Variants in FMNL2 observed in about 807,000 individuals in gnomAD.
FMNL2 encodes the protein formin-like protein 2.
Under a neutral mutation model 130.2 loss-of-function variants are expected in FMNL2, and 51 were observed. That is an observed-to-expected ratio of 0.39 (90% confidence interval 0.31 to 0.49). The LOEUF (loss-of-function observed/expected upper bound fraction) is 0.49. Ranked by LOEUF, FMNL2 falls within the 20% of genes least tolerant of loss-of-function variation. FMNL2 has a pLI of 0.85. For synonymous variants in FMNL2, 465 were observed against 467.1 expected (o/e 1.00, Z 0.06); for missense variants, 977 against 1,316.2 (o/e 0.74, Z 3.99).
chr2:152,458,598 C>T (rs1433758060), intron 1 of FMNL2, among the ~76,000 whole-genome samples: 2 of 152,198 alleles, frequency 1.3e-5, no homozygotes, highest in Non-Finnish European at 2.9e-5. Flanking sequence ...TGCATTTGCT[C>T]TTTCCATCTA....
At chr2:152,472,679 A>G (rs1317281469) in intron 1 of FMNL2, among the ~76,000 whole-genome samples, 1 of 152,188 alleles carries the variant, frequency 6.6e-6, no homozygotes, top group Non-Finnish European at 1.5e-5. Context: ...CAATTCAGAT[A>G]AGGGACTGGT....
chr2:152,593,390 G>T (rs1291771705), intron 9 of FMNL2, among the ~76,000 whole-genome samples: 3 of 152,160 alleles, frequency 2.0e-5, no homozygotes, highest in South Asian at 4.1e-4. Flanking sequence ...GTGGAAATCT[G>T]CAAAAAGCCT....
intron 1 of FMNL2, among the ~76,000 whole-genome samples, chr2:152,429,659 C>T (rs543025560): frequency 1.3e-5 from 2 of 150,718 alleles, no homozygotes; most frequent in Admixed American, 1.3e-4. Flanking sequence ...CATCTATCTT[C>T]AATTTGTCTT....
chr2:152,626,639 T>C lies in FMNL2; in HGVS notation c.2077T>C (p.Leu693=), dbSNP rs765937439. ...IPQKGSNKVT[L]LEANRAKNLA... is the part of the protein sequence containing the mutation. Reference sequence around the variant, plus strand: ...ACAGAAGGGATCAAACAAAGTGACATTACTAGAAGCAAACAGGGCCAAAAA... The same window carrying C: ...ACAGAAGGGATCAAACAAAGTGACACTACTAGAAGCAAACAGGGCCAAAAA... The change falls in exon 17 of 26, where the codon TTA becomes CTA. Residue 693 remains leucine, a synonymous_variant. Transcript: ENST00000288670. The C allele has an allele frequency of 1.2e-6, 2 of 1,613,226 alleles. No individual in the cohort carries two copies. The highest frequency in any genetic ancestry group is 2.2e-5 in the South Asian group (2 of 90,794).
chr2:152,417,098 G>C (rs59551806), intron 1 of FMNL2, among the ~76,000 whole-genome samples: 1 of 151,712 alleles, frequency 6.6e-6, no homozygotes, highest in African/African-American at 2.4e-5. Context: ...ACTTCTACAC[G>C]ATTACTTATC....
chr2:152,427,661 T>A (rs558334340), intron 1 of FMNL2, among the ~76,000 whole-genome samples: 2 of 152,330 alleles, frequency 1.3e-5, no homozygotes, highest in African/African-American at 4.8e-5. Flanking sequence ...AGGTAATATG[T>A]GAAATGAAAA....
intron 21 of FMNL2, among the ~76,000 whole-genome samples, chr2:152,633,336 T>C (rs1276909338): frequency 6.6e-6 from 1 of 152,154 alleles, no homozygotes; most frequent in Non-Finnish European, 1.5e-5. Context: ...GCTCAAGTGA[T>C]CCTCTCGCCT....
intron 2 of FMNL2, among the ~76,000 whole-genome samples, chr2:152,536,599 A>T (rs777256662): frequency 6.6e-6 from 1 of 152,204 alleles, no homozygotes. Context: ...ATACTCACAT[A>T]ATGATGGTGA....
chr2:152,521,303 T>A (rs1424000071), intron 1 of FMNL2, among the ~76,000 whole-genome samples: 3 of 152,196 alleles, frequency 2.0e-5, no homozygotes, highest in African/African-American at 7.2e-5. Flanking sequence ...ATACGAGTGC[T>A]GATGTCTGGA....
chr2:152,501,269 G>C (rs950044667), intron 1 of FMNL2, among the ~76,000 whole-genome samples: 2 of 152,158 alleles, frequency 1.3e-5, no homozygotes, highest in South Asian at 4.1e-4. Flanking sequence ...TTGCTATATT[G>C]TTGATGTAAG....
Position 152,479,988 on chromosome 2 carries a change from G to A in FMNL2, c.118-41955G>A, listed in dbSNP as rs556395905. 3.7e-4 allele frequency among the ~76,000 whole-genome samples: 57 copies of A among 152,160 alleles called. No individual in the cohort carries two copies. The South Asian group carries it at 0.01, about 28-fold the overall frequency. ...ATTGGCCTTGGCCTATAACTCGTTC[G>A]GCGGAAGAACATAAATGAATGTGAT... On this transcript the variant is annotated intron_variant, in intron 1 of 25. Transcript: ENST00000288670.
At chr2:152,500,780 G>A (rs1474962086) in intron 1 of FMNL2, among the ~76,000 whole-genome samples, 2 of 151,202 alleles carry the variant, frequency 1.3e-5, no homozygotes, top group Non-Finnish European at 3.0e-5. Flanking sequence ...CCCCAGCGAG[G>A]CAGAGGTTGC....
intron 1 of FMNL2, among the ~76,000 whole-genome samples, chr2:152,421,175 C>A (rs867671238): frequency 7.9e-5 from 12 of 152,238 alleles, no homozygotes; most frequent in Admixed American, 1.3e-4. Flanking sequence ...ACACTTCTGT[C>A]AGTATCTTTG....
chr2:152,568,223 T>TTTCTTTTTTGTTTTGTTTTTG, intron 6 of FMNL2, among the ~76,000 whole-genome samples: 1 of 132,304 alleles, frequency 7.6e-6, no homozygotes, highest in East Asian at 2.2e-4. Context: ...GGTGGGTTTT[T>TTTCTTTTTTGTTTTGTTTTTG]TTTTTTTTTT....
chr2:152,470,277 C>T (rs1689786373), intron 1 of FMNL2, among the ~76,000 whole-genome samples: 1 of 152,148 alleles, frequency 6.6e-6, no homozygotes, highest in Non-Finnish European at 1.5e-5. Context: ...ATTTTGTGAG[C>T]TGAGCAAGTC....
rs1026478956 is a variant in FMNL2 at position 152,648,677 on chromosome 2, C to G, written c.*772C>G. On this transcript the variant is annotated 3_prime_UTR_variant, in exon 26 of 26. Coordinates refer to ENST00000288670, the MANE Select transcript of FMNL2 (RefSeq NM_052905.4). ...GCATTTCTGAGGACCATTATTAATTCTGAGAACAGAAATTGGTGCCTTGCA... is the reference window on the plus strand; with the variant it reads ...GCATTTCTGAGGACCATTATTAATTGTGAGAACAGAAATTGGTGCCTTGCA... 4 of 152,606 alleles carry G rather than the reference C, an allele frequency of 2.6e-5. No homozygotes were observed. Among genetic ancestry groups the G allele is most frequent in the African/African-American group, 9.7e-5 (4 of 41,418 alleles). 9.5% of individuals were successfully genotyped at this position (152,606 alleles called of 1,614,324 possible). A position where few individuals can be genotyped will look rare whatever the true frequency, so the allele number is the denominator to read the frequency against.
intron 1 of FMNL2, among the ~76,000 whole-genome samples, chr2:152,481,207 T>G (rs1690501057): frequency 6.6e-6 from 1 of 152,224 alleles, no homozygotes; most frequent in Admixed American, 6.5e-5. Flanking sequence ...GCAGAAGAGT[T>G]TGAGATAAAA....
rs535398304 is a variant in FMNL2, at chr2:152,436,872, A to G, written c.118-85071A>G. On this transcript the variant is annotated intron_variant, in intron 1 of 25. Transcript: ENST00000288670. ...GTAGACCCCTCTGTCCACGATATTT[A>G]TATGTTCCAAGAATCTAGATTGGGC... Among the ~76,000 whole-genome samples the G allele has an allele frequency of 2.0e-5, 3 of 152,254 alleles. No individual in the cohort carries two copies. In the East Asian group the frequency reaches 5.8e-4, roughly 29 times the overall value.
chr2:152,389,815 G>T, intron 1 of FMNL2: 1 of 1,314,738 alleles, frequency 7.6e-7, no homozygotes, highest in South Asian at 1.2e-5. Flanking sequence ...CACTGCAGGA[G>T]AAGAGGGGAT....
Sources: allele counts gnomAD v4.1 joint callset (sites outside exome capture counted in the v4.1 genomes callset), GRCh38; gene constraint gnomAD v4.1.1; transcripts MANE v1.5; gene names NCBI Gene and HGNC (gene_info 2026-07-23, HGNC 2026-07-21).